The following TULP1 variants were observed in gnomAD, a reference collection of about 807,000 sequenced individuals.
TULP1 encodes tubby-related protein 1.
In TULP1, 50 loss-of-function variants were observed where a neutral mutation model predicts 67.1. That is an observed-to-expected ratio of 0.75 (90% CI 0.59 to 0.94). The LOEUF is 0.94. Ranked by LOEUF, TULP1 falls within the 40% of genes least tolerant of loss-of-function variation. The pLI is 0.00. For synonymous variants in TULP1, 297 were observed against 294.0 expected (o/e 1.01, Z -0.11); for missense variants, 746 against 734.1 (o/e 1.02, Z -0.19).
At chr6:35,512,002 C>T (rs1761215812) in intron 3 of TULP1, 178 bp downstream of exon 3, 1 of 688,432 alleles carries the variant, frequency 1.5e-6, no homozygotes. Flanking sequence ...CCCAACGCCA[C>T]CCCCTTCTAC....
intron 14 of TULP1, among the ~76,000 whole-genome samples, chr6:35,499,651 G>C (rs1768785330): frequency 6.6e-6 from 1 of 151,992 alleles, no homozygotes; most frequent in Non-Finnish European, 1.5e-5. Context: ...ACAAAGAGGA[G>C]TTGGGCTGTC....
In TULP1 at chr6:35,511,739, C is replaced by T. The variant is rs988210615; in HGVS notation, c.258G>A (p.Thr86=). 7 of 1,587,412 alleles carry T rather than the reference C, an allele frequency of 4.4e-6. No homozygotes were observed. Among genetic ancestry groups the T allele is most frequent in the Non-Finnish European group, 6.0e-6 (7 of 1,167,322 alleles). The part of the protein sequence containing the change: ...PDPAQARAPQ[T]VYARFLRDPE... ...GGTCCCTGAGGAACCTGGCGTAGAC[C>T]GTCTGCGGCGCCCGGGCCTGGGCTG... The change falls in exon 4 of 15, where the codon ACG becomes ACA. Residue 86 remains threonine, a synonymous_variant. Transcript: ENST00000229771.
intron 13 of TULP1, among the ~76,000 whole-genome samples, chr6:35,501,073 G>A (rs1304431590): frequency 1.3e-5 from 2 of 152,268 alleles, no homozygotes; most frequent in East Asian, 1.9e-4. Context: ...GGGCATGCGA[G>A]TCACCCAGAG....
At position 35,498,520 on chromosome 6, in the gene TULP1, G is replaced by C; in HGVS notation, c.1496-60C>G. ...ACCTCCTTGGACCCCCATCCTGGCA[G>C]ACAGTGCCCTCAACCTTGGGGGCAG... On this transcript the variant is annotated intron_variant, in intron 14 of 14. Transcript: ENST00000229771. This position sits in a 1 kb window ranked among gnomAD's most constrained non-coding sequence, Gnocchi z 6.7. 1.9e-6 allele frequency: 3 copies of C among 1,609,822 alleles called. No homozygotes were observed. The highest frequency in any genetic ancestry group is 2.5e-6 in the Non-Finnish European group (3 of 1,178,764).
Position 35,497,890 on chromosome 6 carries a change from C to T in TULP1, c.*437G>A. The stretch of plus-strand genomic sequence containing the variant: ...CCGCTCCGCTTGGCCAAGGACGCGG[C>T]TTTATTGGGGATGTGGGTGCCTGGC... On this transcript the variant is annotated 3_prime_UTR_variant, in exon 15 of 15. Transcript: ENST00000229771. The T allele has an allele frequency of 4.5e-6, 1 of 222,788 alleles. No individual in the cohort carries two copies. The highest frequency in any genetic ancestry group is 9.1e-6 in the Non-Finnish European group (1 of 109,454). The allele number at this position is 222,788 out of a possible 1,614,324, so 13.8% of individuals were successfully genotyped here. A position where few individuals can be genotyped will look rare whatever the true frequency, so the allele number is the denominator to read the frequency against.
chr6:35,511,094 G>C (rs1251239395), intron 4 of TULP1, 84 bp from the exon 5 acceptor site: 10 of 1,585,508 alleles, frequency 6.3e-6, no homozygotes, highest in Non-Finnish European at 8.5e-6. Context: ...CTGCTGGGAA[G>C]TGGTGCATGG....
At chr6:35,507,281 A>C (rs1375316185) in intron 8 of TULP1, among the ~76,000 whole-genome samples, 2 of 151,698 alleles carry the variant, frequency 1.3e-5, no homozygotes, top group African/African-American at 4.8e-5. Flanking sequence ...TCTCCAGCTA[A>C]CACCTACCAC....
intron 8 of TULP1, among the ~76,000 whole-genome samples, chr6:35,507,283 A>G (rs1019377625): frequency 4.0e-5 from 6 of 151,468 alleles, no homozygotes; most frequent in African/African-American, 1.5e-4. Context: ...TCCAGCTAAC[A>G]CCTACCACAG....
Position 35,498,802 on chromosome 6 carries a change from A to C in TULP1, c.1496-342T>G, listed in dbSNP as rs1010960665. Among the ~76,000 whole-genome samples the C allele has an allele frequency of 3.9e-5, 6 of 152,140 alleles. No individual in the cohort carries two copies. Among genetic ancestry groups the C allele is most frequent in the Non-Finnish European group, 5.9e-5 (4 of 68,030 alleles). On this transcript the variant is annotated intron_variant, in intron 14 of 14. Transcript: ENST00000229771. The surrounding 1 kb of genome is among the most constrained non-coding windows in gnomAD (Gnocchi z 6.7). ...CAAATTCTCTGTTGTTTCTGGCCAC[A>C]GTCTTTCCTCCTATCCCCAGCCACG...
chr6:35,498,491 C>T lies in TULP1; in HGVS notation c.1496-31G>A, dbSNP rs768420529. 6 of 1,612,890 alleles carry T rather than the reference C, an allele frequency of 3.7e-6. 1 individual carries two copies. The South Asian group carries it at 5.5e-5, about 15-fold the overall frequency. On this transcript the variant is annotated intron_variant, in intron 14 of 14. Transcript: ENST00000229771. The surrounding 1 kb of genome is among the most constrained non-coding windows in gnomAD (Gnocchi z 6.7). The stretch of plus-strand genomic sequence containing the variant: ...GACACAAGACGGGGTGGGGGCGGCC[C>T]GAGACCTCCTTGGACCCCCATCCTG...
intron 4 of TULP1, among the ~76,000 whole-genome samples, chr6:35,511,287 C>T (rs182867001): frequency 6.6e-6 from 1 of 152,200 alleles, no homozygotes; most frequent in Non-Finnish European, 1.5e-5. Flanking sequence ...TCCTTACACG[C>T]TCGCCTTGCC....
intron 14 of TULP1, 97 bp downstream of exon 14, chr6:35,499,884 G>T: frequency 7.3e-7 from 1 of 1,369,808 alleles, no homozygotes; most frequent in Non-Finnish European, 1.0e-6. Context: ...GATAAAGGCT[G>T]GTGTGTGTGT....
In TULP1 at chr6:35,503,500, G is replaced by A. The variant is rs1260483406; in HGVS notation, c.1323+59C>T. 2.0e-6 allele frequency: 3 copies of A among 1,512,768 alleles called. No homozygotes were observed. The highest frequency in any genetic ancestry group is 2.0e-5 in the Admixed American group (1 of 50,938). The allele number at this position is 1,512,768 out of a possible 1,614,324, so 93.7% of individuals were successfully genotyped here. ...CAGGGAGTTGGCTATTTCCTAAGCT[G>A]AGCCCCGACTCCTGTTTCTCACATA... On this transcript the variant is annotated intron_variant, in intron 13 of 14. Transcript: ENST00000229771. The surrounding 1 kb of genome is among the most constrained non-coding windows in gnomAD (Gnocchi z 4.0).
Position 35,503,783 on chromosome 6 carries a change from C to T in TULP1, c.1178G>A (p.Ser393Asn). 2 of 1,613,600 alleles carry T rather than the reference C, an allele frequency of 1.2e-6. No homozygotes were observed. The change falls in exon 12 of 15, where the codon AGC (serine) becomes AAC (asparagine). Residue 393 changes from serine (S) to asparagine (N), a missense_variant. By Grantham distance (46) the Ser-to-Asn change is conservative. Around this residue, in one of 3 missense-constraint regions of TULP1, gnomAD observed 383 missense variants for 374.1 expected, o/e 1.02. Coordinates refer to ENST00000229771, the MANE Select transcript of TULP1 (RefSeq NM_003322.6). This position sits in a 1 kb window ranked among gnomAD's most constrained non-coding sequence, Gnocchi z 4.0. The part of the protein sequence containing the change: ...DNGQNPQRGY[S>N]TNVASLRQEL... ...CTGCCGAAGGCTTGCCACATTAGTG[C>T]TGTACCCACGCTGTGGGTTCTGCCC...
rs2150928751 is a variant in TULP1, at chr6:35,512,201, A to G, written c.169T>C (p.Ser57Pro). The G allele has an allele frequency of 7.4e-7, 1 of 1,345,938 alleles. No homozygotes were observed. Among genetic ancestry groups the G allele is most frequent in the African/African-American group, 1.5e-5 (1 of 66,972 alleles). 83.4% of individuals were successfully genotyped at this position (1,345,938 alleles called of 1,614,324 possible). A position where few individuals can be genotyped will look rare whatever the true frequency, so the allele number is the denominator to read the frequency against. Reference protein sequence around the residue: ...EAPESPCPTGSKPRKPGAGRT... With the variant: ...EAPESPCPTGPKPRKPGAGRT... ...CCACCTCCGGGCTTCCGGGGCTTGGATCCCGTGGGGCAGGGGGATTCGGGG... is the reference window on the plus strand; with the variant it reads ...CCACCTCCGGGCTTCCGGGGCTTGGGTCCCGTGGGGCAGGGGGATTCGGGG... The change falls in exon 3 of 15, where the codon TCC (serine) becomes CCC (proline). Residue 57 changes from serine to proline, a missense_variant. Transcript: ENST00000229771.
Position 35,511,681 on chromosome 6 carries a change from AGGTTTCCCG to A in TULP1, c.307_315del (p.Arg103_Thr105del), listed in dbSNP as rs1436541865. ...GCGTCTGGGGCACGGGCTACCAGAA[AGGTTTCCCG>A]GGGGTCGCGCTTCTTGGCCTCGGGG... On this transcript the variant is annotated inframe_deletion, in exon 4 of 15. Coordinates refer to ENST00000229771, the MANE Select transcript of TULP1 (RefSeq NM_003322.6). 6.3e-7 allele frequency: 1 copy of A among 1,595,818 alleles called. No homozygotes were observed. Among genetic ancestry groups the A allele is most frequent in the Non-Finnish European group, 8.5e-7 (1 of 1,171,150 alleles).
intron 11 of TULP1, 157 bp from the exon 12 acceptor site, chr6:35,504,005 T>C (rs762383816): frequency 3.3e-6 from 2 of 609,878 alleles, no homozygotes; most frequent in Non-Finnish European, 5.8e-6. Context: ...CTTCCCCCTA[T>C]GCAGAGGTCT....
intron 13 of TULP1, among the ~76,000 whole-genome samples, chr6:35,501,713 G>A (rs1257095634): frequency 6.6e-6 from 1 of 152,180 alleles, no homozygotes; most frequent in East Asian, 1.9e-4. Flanking sequence ...TCGGGAGGCT[G>A]AGGCAGGAGA....
Position 35,512,188 on chromosome 6 carries a change from T to A in TULP1, c.182A>T (p.Lys61Met). 1 of 1,349,336 alleles carries A rather than the reference T, an allele frequency of 7.4e-7. No homozygotes were observed. The highest frequency in any genetic ancestry group is 9.5e-7 in the Non-Finnish European group (1 of 1,049,876). The allele number at this position is 1,349,336 out of a possible 1,614,324, so 83.6% of individuals were successfully genotyped here. ...SPCPTGSKPR[K>M]PGAGRTGRPR... ...CTCTGCACCCCGCCCACCTCCGGGC[T>A]TCCGGGGCTTGGATCCCGTGGGGCA... The change falls in exon 3 of 15, where the codon AAG becomes ATG. Residue 61 changes from lysine (K) to methionine (M), a missense_variant. Around this residue, in one of 3 missense-constraint regions of TULP1, gnomAD observed 359 missense variants for 341.9 expected, o/e 1.05. Transcript: ENST00000229771.
Sources: allele counts gnomAD v4.1 joint callset (sites outside exome capture counted in the v4.1 genomes callset), GRCh38; gene constraint gnomAD v4.1.1; regional missense constraint gnomAD v4.1.1; non-coding constraint Gnocchi (gnomAD v3.1); transcripts MANE v1.5; gene names NCBI Gene and HGNC (gene_info 2026-07-23, HGNC 2026-07-21).